The following ADAMTS18 variants were observed in gnomAD, a reference collection of about 807,000 sequenced individuals.
ADAMTS18 encodes the protein ADAM metallopeptidase with thrombospondin type 1 motif 18.
Under a neutral mutation model 165.9 loss-of-function variants are expected in ADAMTS18, and 157 were observed. The observed-to-expected ratio is 0.95, with a 90% CI of 0.83 to 1.08. The LOEUF is 1.08. Among genes scored for constraint, ADAMTS18 ranks in the 50% least tolerant of loss-of-function variants. ADAMTS18 has a pLI of 0.00. For synonymous variants in ADAMTS18, 782 were observed against 578.2 expected, an observed-to-expected ratio of 1.35 and a Z score of -5.06; for missense variants, 2,040 against 1,534.0, an observed-to-expected ratio of 1.33 and a Z score of -5.51.
chr16:77,411,677 ATTT>A (rs34453966), intron 3 of ADAMTS18, among the ~76,000 whole-genome samples: 4 of 73,900 alleles, frequency 5.4e-5, no homozygotes, highest in Admixed American at 1.8e-4. Flanking sequence ...AGTATCCAGA[ATTT>A]TTTTTTTTTT....
chr16:77,410,213 G>C (rs113822967), intron 3 of ADAMTS18, among the ~76,000 whole-genome samples: 4 of 150,256 alleles, frequency 2.7e-5, no homozygotes, highest in Non-Finnish European at 3.0e-5. Context: ...GTTACTCTAT[G>C]ATATTTTCTT....
chr16:77,396,680 T>C (rs2057261468), intron 3 of ADAMTS18, among the ~76,000 whole-genome samples: 1 of 152,272 alleles, frequency 6.6e-6, no homozygotes, highest in East Asian at 1.9e-4. Context: ...ATGTAAGATA[T>C]GGAGATTGTT....
intron 3 of ADAMTS18, among the ~76,000 whole-genome samples, chr16:77,414,627 A>G (rs1385677124): frequency 1.3e-5 from 2 of 152,344 alleles, no homozygotes; most frequent in East Asian, 3.9e-4. Flanking sequence ...GTAGAGTTCC[A>G]CACATCACAA....
At chr16:77,387,151 G>A (rs953014201) in intron 3 of ADAMTS18, among the ~76,000 whole-genome samples, 1 of 152,144 alleles carries the variant, frequency 6.6e-6, no homozygotes, top group African/African-American at 2.4e-5. Flanking sequence ...GAGATAAATG[G>A]AATGTATGCA....
rs557496183 is a variant in ADAMTS18 at position 77,368,910 on chromosome 16, G to T, written c.496-1187C>A. Among the ~76,000 whole-genome samples the T allele has an allele frequency of 2.0e-5, 3 of 152,332 alleles. No homozygotes were observed. The South Asian group carries it at 6.2e-4, about 32-fold the overall frequency. On this transcript the variant is annotated intron_variant, in intron 3 of 22. Transcript: ENST00000282849. ...ATTTAATCACAATTTCATTTACCAA[G>T]TTGATGGCACAGTATGGATATCTTC...
chr16:77,302,522 AG>A (rs1567465660), intron 16 of ADAMTS18, among the ~76,000 whole-genome samples: 1 of 152,206 alleles, frequency 6.6e-6, no homozygotes, highest in African/African-American at 2.4e-5. Flanking sequence ...CGCACATAGT[AG>A]GGGCAAGCTT....
At chr16:77,335,964 T>C in intron 11 of ADAMTS18, 60 bp from the exon 12 acceptor site, 1 of 1,604,508 alleles carries the variant, frequency 6.2e-7, no homozygotes, top group East Asian at 2.2e-5. Context: ...GCGCAGGGAG[T>C]TGCCAACACC....
In ADAMTS18 at chr16:77,399,518, T is replaced by C. The variant is rs904183067; in HGVS notation, c.495+31777A>G. ...TACCCTAGAAGATAAAACTAAGTGA[T>C]GTCTTTTGTTTCTTTTCATTAAGAG... On this transcript the variant is annotated intron_variant, in intron 3 of 22. Transcript: ENST00000282849. Among the ~76,000 whole-genome samples the C allele has an allele frequency of 3.3e-5, 5 of 152,330 alleles. No individual in the cohort carries two copies. The South Asian group carries it at 6.2e-4, about 19-fold the overall frequency.
chr16:77,288,351 C>T (rs1329823363), intron 22 of ADAMTS18, among the ~76,000 whole-genome samples: 1 of 151,980 alleles, frequency 6.6e-6, no homozygotes, highest in African/African-American at 2.4e-5. Context: ...TATGTAGTAT[C>T]CCAGCATGGA....
At chr16:77,352,396 A>C (rs1002273350) in intron 10 of ADAMTS18, among the ~76,000 whole-genome samples, 7 of 152,304 alleles carry the variant, frequency 4.6e-5, no homozygotes, top group Middle Eastern at 6.8e-3. Context: ...AAGAAGAGGA[A>C]ATTTCACATC....
intron 3 of ADAMTS18, among the ~76,000 whole-genome samples, chr16:77,410,573 C>G (rs11866582): frequency 0.2 from 30,935 of 151,962 alleles, 3,584 homozygotes; most frequent in African/African-American, 0.32. Context: ...AGCCTAGAAA[C>G]GGGAAATAAT....
intron 11 of ADAMTS18, among the ~76,000 whole-genome samples, chr16:77,340,177 T>C (rs1034851730): frequency 1.3e-5 from 2 of 152,194 alleles, no homozygotes; most frequent in Admixed American, 6.5e-5. Flanking sequence ...TAAATTTTTA[T>C]ATTTTTAATT....
rs888971357 is a variant in ADAMTS18, at chr16:77,283,784, T to C, written c.*172A>G. 15 of 611,392 alleles carry C rather than the reference T, an allele frequency of 2.5e-5. No individual in the cohort carries two copies. In the East Asian group the frequency reaches 2.5e-4, roughly 10 times the overall value. 37.9% of individuals were successfully genotyped at this position (611,392 alleles called of 1,614,324 possible). A position where few individuals can be genotyped will look rare whatever the true frequency, so the allele number is the denominator to read the frequency against. On this transcript the variant is annotated 3_prime_UTR_variant, in exon 23 of 23. Transcript: ENST00000282849. ...TCAGAGTACCACGTGCTTCAGGGAATTGAGCTAGAAGCCTACTGGCAACCT... is the reference window on the plus strand; with the variant it reads ...TCAGAGTACCACGTGCTTCAGGGAACTGAGCTAGAAGCCTACTGGCAACCT...
chr16:77,420,394 T>C (rs1253858465), intron 3 of ADAMTS18, among the ~76,000 whole-genome samples: 1 of 152,128 alleles, frequency 6.6e-6, no homozygotes, highest in Non-Finnish European at 1.5e-5. Context: ...AGGACTACCC[T>C]GGGGAGTCTT....
At chr16:77,418,059 C>T (rs1258733013) in intron 3 of ADAMTS18, among the ~76,000 whole-genome samples, 2 of 152,158 alleles carry the variant, frequency 1.3e-5, no homozygotes, top group Non-Finnish European at 2.9e-5. Flanking sequence ...ATAAATACAT[C>T]TCTGTTTCTT....
chr16:77,391,162 G>T (rs1047065791), intron 3 of ADAMTS18, among the ~76,000 whole-genome samples: 4 of 152,132 alleles, frequency 2.6e-5, no homozygotes, highest in African/African-American at 9.7e-5. Context: ...GAAGAGAAAT[G>T]TGCCAGATTA....
At chr16:77,400,094 T>A (rs2057306096) in intron 3 of ADAMTS18, among the ~76,000 whole-genome samples, 1 of 152,070 alleles carries the variant, frequency 6.6e-6, no homozygotes, top group African/African-American at 2.4e-5. Context: ...TAAAATGGAA[T>A]CTCTGACCCT....
At chr16:77,305,878 A>C (rs1319995427) in intron 16 of ADAMTS18, among the ~76,000 whole-genome samples, 2 of 152,168 alleles carry the variant, frequency 1.3e-5, no homozygotes, top group African/African-American at 2.4e-5. Context: ...CTTGGGCAAT[A>C]TGTAACTTGA....
intron 3 of ADAMTS18, among the ~76,000 whole-genome samples, chr16:77,425,962 C>T (rs547011724): frequency 2.0e-5 from 3 of 152,156 alleles, no homozygotes; most frequent in Admixed American, 1.3e-4. Context: ...AGGAGAATTG[C>T]TTGAATCTGG....
Sources: gnomAD v4.1 joint callset for allele counts (sites outside exome capture counted in the v4.1 genomes callset) on GRCh38, gnomAD v4.1.1 for gene constraint, MANE v1.5 for transcripts, NCBI Gene and HGNC (gene_info 2026-07-23, HGNC 2026-07-21) for gene names.